Variants in PTPN14 observed in about 807,000 individuals in gnomAD.
The protein encoded by PTPN14 is protein tyrosine phosphatase non-receptor type 14.
A neutral mutation model predicts 126.8 loss-of-function variants in PTPN14; 53 were observed. The ratio of observed to expected loss-of-function variants is 0.42; its 90% confidence interval spans 0.34 to 0.53. The LOEUF (loss-of-function observed/expected upper bound fraction) is 0.53, where lower values mean the gene tolerates loss of function less well. Ranked by LOEUF, PTPN14 falls within the 20% of genes least tolerant of loss-of-function variation. The probability of loss-of-function intolerance (pLI) is 0.08; values close to 1 mark genes in which losing one functional copy is unlikely to be tolerated. For synonymous variants in PTPN14, 630 were observed against 599.3 expected (o/e 1.05, Z -0.75); for missense variants, 1,257 against 1,552.9 (o/e 0.81, Z 3.20).
At chr1:214,468,189 G>T (rs945842738) in intron 1 of PTPN14, among the ~76,000 whole-genome samples, 16 of 152,234 alleles carry the variant, frequency 1.1e-4, no homozygotes, top group African/African-American at 3.9e-4. Context: ...TGTGTTAAGA[G>T]ATGCCAGTGG....
chr1:214,424,641 C>T (rs1659619880), intron 3 of PTPN14, among the ~76,000 whole-genome samples: 1 of 152,054 alleles, frequency 6.6e-6, no homozygotes, highest in South Asian at 2.1e-4. Flanking sequence ...GATTCTCCTG[C>T]CTCAGCCTCC....
Position 214,357,786 on chromosome 1 carries a change from C to A in PTPN14, c.*136G>T. 1.6e-6 allele frequency: 1 copy of A among 626,480 alleles called. No individual in the cohort carries two copies. The highest frequency in any genetic ancestry group is 2.8e-6 in the Non-Finnish European group (1 of 357,218). The allele number at this position is 626,480 out of a possible 1,614,324, so 38.8% of individuals were successfully genotyped here. ...ATAATACATGGTATGTGTGAATAAT[C>A]TTGGCTACTGTCTTCAGAGAGCCTG... On this transcript the variant is annotated 3_prime_UTR_variant, in exon 19 of 19. Coordinates refer to ENST00000366956, the MANE Select transcript of PTPN14 (RefSeq NM_005401.5).
chr1:214,417,712 A>G (rs1171470220), intron 3 of PTPN14, among the ~76,000 whole-genome samples: 1 of 152,208 alleles, frequency 6.6e-6, no homozygotes, highest in African/African-American at 2.4e-5. Context: ...CAGAGTGAGC[A>G]GGTCCGTGTG....
At chr1:214,429,629 T>G (rs1247844148) in intron 3 of PTPN14, among the ~76,000 whole-genome samples, 1 of 152,180 alleles carries the variant, frequency 6.6e-6, no homozygotes, top group Admixed American at 6.5e-5. Context: ...TATTTTTTTA[T>G]CCCCCAAATG....
At chr1:214,533,631 A>C (rs1195652156) in intron 1 of PTPN14, among the ~76,000 whole-genome samples, 1 of 152,032 alleles carries the variant, frequency 6.6e-6, no homozygotes, top group African/African-American at 2.4e-5. Flanking sequence ...GGAAATCAAG[A>C]CCATCCTGGC....
chr1:214,408,109 A>G (rs1659213079), intron 5 of PTPN14, among the ~76,000 whole-genome samples: 1 of 152,112 alleles, frequency 6.6e-6, no homozygotes, highest in Non-Finnish European at 1.5e-5. Flanking sequence ...ACCTCTCCCC[A>G]TATAAAATTT....
At chr1:214,361,253 T>C (rs1369744831) in intron 18 of PTPN14, among the ~76,000 whole-genome samples, 2 of 152,344 alleles carry the variant, frequency 1.3e-5, no homozygotes, top group Non-Finnish European at 1.5e-5. Context: ...ATAGTGCGTA[T>C]ACATGGTAAA....
chr1:214,420,579 G>A (rs529017361), intron 3 of PTPN14, among the ~76,000 whole-genome samples: 33 of 152,346 alleles, frequency 2.2e-4, no homozygotes, highest in Non-Finnish European at 3.5e-4. Flanking sequence ...CTTGCTTTCT[G>A]CTCTTGAACT....
At chr1:214,503,155 A>T (rs1471001175) in intron 1 of PTPN14, among the ~76,000 whole-genome samples, 1 of 152,232 alleles carries the variant, frequency 6.6e-6, no homozygotes, top group African/African-American at 2.4e-5. Context: ...AATTTTTGTT[A>T]AAAATAAGCA....
chr1:214,376,399 C>A lies in PTPN14; in HGVS notation c.2727G>T (p.Val909=). The A allele has an allele frequency of 6.2e-7, 1 of 1,613,986 alleles. No individual in the cohort carries two copies. The highest frequency in any genetic ancestry group is 8.5e-7 in the Non-Finnish European group (1 of 1,179,854). ...TTGGAATTTGCTCATATTCTGTGAA[C>A]ACCATTCCCTCTTCTAGTTTCTTCT... ...TLKKKLEEGM[V]FTEYEQIPKK... is the part of the protein sequence containing the mutation. Residue 909 remains valine (V), a synonymous_variant, in exon 15 of 19, where the codon GTG becomes GTT. Coordinates refer to ENST00000366956, the MANE Select transcript of PTPN14 (RefSeq NM_005401.5).
chr1:214,469,093 C>T (rs1397988545), intron 1 of PTPN14, among the ~76,000 whole-genome samples: 3 of 152,184 alleles, frequency 2.0e-5, no homozygotes, highest in African/African-American at 4.8e-5. Context: ...TCATTTAAGG[C>T]ATCTCTTACC....
intron 3 of PTPN14, among the ~76,000 whole-genome samples, chr1:214,429,556 T>G (rs538408467): frequency 3.9e-5 from 6 of 152,366 alleles, no homozygotes; most frequent in Non-Finnish European, 7.3e-5. Flanking sequence ...ATCTGTTTTG[T>G]TCAGTGCTGT....
At chr1:214,529,214 A>AG in intron 1 of PTPN14, 1 of 152,222 alleles carries the variant, frequency 6.6e-6, no homozygotes, top group Non-Finnish European at 1.5e-5. Context: ...ATACACAGGA[A>AG]GCTGAGGTGG....
intron 1 of PTPN14, among the ~76,000 whole-genome samples, chr1:214,487,909 C>T (rs1661151244): frequency 6.6e-6 from 1 of 152,202 alleles, no homozygotes; most frequent in Non-Finnish European, 1.5e-5. Context: ...GAGGACCAAG[C>T]ATTACAGGAT....
chr1:214,456,104 T>C (rs1047175297), intron 2 of PTPN14, among the ~76,000 whole-genome samples: 3 of 137,166 alleles, frequency 2.2e-5, no homozygotes, highest in Non-Finnish European at 4.9e-5. Context: ...TCCAGTTTTG[T>C]GACAATGGCA....
At chr1:214,390,869 C>A in intron 11 of PTPN14, 119 bp downstream of exon 11, 1 of 790,550 alleles carries the variant, frequency 1.3e-6, no homozygotes, top group Non-Finnish European at 1.8e-6. Flanking sequence ...AGAATGACGC[C>A]TCTGTGTTCT....
intron 3 of PTPN14, among the ~76,000 whole-genome samples, chr1:214,443,762 G>T (rs1405379892): frequency 2.6e-5 from 4 of 152,092 alleles, no homozygotes; most frequent in Admixed American, 6.5e-5. Flanking sequence ...CTGAGCATGG[G>T]GTACTGTGCA....
At chr1:214,476,329 A>C (rs1312669044) in intron 1 of PTPN14, among the ~76,000 whole-genome samples, 1 of 145,594 alleles carries the variant, frequency 6.9e-6, no homozygotes, top group African/African-American at 2.4e-5. Flanking sequence ...ATCAAATCAA[A>C]AGAAACTCAC....
At chr1:214,420,663 CT>C (rs771915647) in intron 3 of PTPN14, among the ~76,000 whole-genome samples, 10 of 152,298 alleles carry the variant, frequency 6.6e-5, no homozygotes, top group Non-Finnish European at 1.3e-4. Context: ...TAATAGTAGC[CT>C]ATCATCTAAT....
Sources: gnomAD v4.1 joint callset for allele counts (sites outside exome capture counted in the v4.1 genomes callset) on GRCh38, gnomAD v4.1.1 for gene constraint, MANE v1.5 for transcripts, NCBI Gene and HGNC (gene_info 2026-07-23, HGNC 2026-07-21) for gene names.